The following STOX1 variants were observed in gnomAD, a reference collection of about 807,000 sequenced individuals.
STOX1 encodes storkhead-box protein 1.
Under a neutral mutation model 74.8 loss-of-function variants are expected in STOX1, and 57 were observed. The ratio of observed to expected loss-of-function variants is 0.76; its 90% confidence interval spans 0.62 to 0.95. STOX1 has a LOEUF of 0.95. Ranked by LOEUF, STOX1 falls within the 40% of genes least tolerant of loss-of-function variation. The pLI, the probability that STOX1 is intolerant of heterozygous loss-of-function variation, is 0.00. For missense variants in STOX1, 1,010 were observed against 1,117.0 expected, an observed-to-expected ratio of 0.90 and a Z score of 1.37; for synonymous variants, 375 against 401.3, an observed-to-expected ratio of 0.93 and a Z score of 0.78.
chr10:68,867,370 T>TG (rs1216905335), intron 1 of STOX1, among the ~76,000 whole-genome samples: 2 of 152,178 alleles, frequency 1.3e-5, no homozygotes, highest in Non-Finnish European at 1.5e-5. Flanking sequence ...CCTGTTGATC[T>TG]GGGGGGTATA....
At chr10:68,856,144 C>T (rs1840121022) in intron 1 of STOX1, among the ~76,000 whole-genome samples, 1 of 151,928 alleles carries the variant, frequency 6.6e-6, no homozygotes, top group South Asian at 2.1e-4. Flanking sequence ...TTTAGGACTT[C>T]CTCCTTAGTT....
At chr10:68,852,797 C>A (rs930573829) in intron 1 of STOX1, among the ~76,000 whole-genome samples, 4 of 151,114 alleles carry the variant, frequency 2.6e-5, no homozygotes, top group Non-Finnish European at 5.9e-5. Flanking sequence ...AATCAGAATT[C>A]ATATGTGAGA....
At chr10:68,876,657 CTG>C (rs1212755277) in intron 1 of STOX1, among the ~76,000 whole-genome samples, 3 of 152,176 alleles carry the variant, frequency 2.0e-5, no homozygotes, top group Admixed American at 6.6e-5. Context: ...GAGCACAAGA[CTG>C]TGTAAACAGA....
intron 1 of STOX1, among the ~76,000 whole-genome samples, chr10:68,852,249 CTTTTT>C (rs34908700): frequency 8.4e-6 from 1 of 118,980 alleles, no homozygotes; most frequent in Non-Finnish European, 1.7e-5. Flanking sequence ...TCTCTTACTG[CTTTTT>C]TTTTTTTTTT....
chr10:68,840,980 C>G (rs894249948), intron 1 of STOX1, among the ~76,000 whole-genome samples: 16 of 148,308 alleles, frequency 1.1e-4, no homozygotes, highest in African/African-American at 4.0e-4. Flanking sequence ...CAGTGTCTCG[C>G]TCTGTTGCCC....
chr10:68,832,967 G>A (rs868145266), intron 1 of STOX1, among the ~76,000 whole-genome samples: 16 of 151,490 alleles, frequency 1.1e-4, no homozygotes, highest in South Asian at 1.0e-3. Context: ...GGTCTTGCTC[G>A]CTATGTTATC....
chr10:68,871,155 CCAGCTGGTTTGAGTCATT>C (rs1308937614), intron 1 of STOX1, among the ~76,000 whole-genome samples: 6 of 152,170 alleles, frequency 3.9e-5, no homozygotes, highest in Non-Finnish European at 7.3e-5. Flanking sequence ...TATTCAAAAG[CCAGCTGGTTTGAGTCATT>C]CAGCTGGTTT....
intron 1 of STOX1, among the ~76,000 whole-genome samples, chr10:68,870,178 A>G (rs76890592): frequency 0.015 from 2,321 of 152,174 alleles, 31 homozygotes; most frequent in Non-Finnish European, 0.024. Flanking sequence ...CTAACTTCCT[A>G]AACTTGTTAA....
chr10:68,875,265 C>G (rs1840647884), intron 1 of STOX1, among the ~76,000 whole-genome samples: 1 of 152,214 alleles, frequency 6.6e-6, no homozygotes, highest in African/African-American at 2.4e-5. Context: ...AACTCTCCCT[C>G]TTACAAGAGT....
chr10:68,895,415 G>C (rs1453116911), downstream of STOX1: 2 of 152,146 alleles, frequency 1.3e-5, no homozygotes, highest in Non-Finnish European at 2.9e-5. Flanking sequence ...ATTAAAGATG[G>C]GAATATGTGC....
intron 1 of STOX1, among the ~76,000 whole-genome samples, chr10:68,855,246 G>A (rs896816830): frequency 8.9e-5 from 13 of 146,320 alleles, no homozygotes; most frequent in Admixed American, 1.4e-4. Context: ...TCAGCCTCCC[G>A]AGTAGCTGGG....
chr10:68,866,586 A>G (rs1311950673), intron 1 of STOX1, among the ~76,000 whole-genome samples: 3 of 152,146 alleles, frequency 2.0e-5, no homozygotes, highest in Non-Finnish European at 4.4e-5. Flanking sequence ...AATGATTTGA[A>G]TTTCCCCATT....
intron 1 of STOX1, among the ~76,000 whole-genome samples, chr10:68,842,013 G>T (rs1839702839): frequency 6.6e-6 from 1 of 152,106 alleles, no homozygotes; most frequent in Non-Finnish European, 1.5e-5. Flanking sequence ...AGGTGTGTGT[G>T]TTGGAGGATC....
downstream of STOX1, among the ~76,000 whole-genome samples, chr10:68,893,575 A>G (rs1046018662): frequency 6.6e-6 from 1 of 151,870 alleles, no homozygotes; most frequent in African/African-American, 2.4e-5. Flanking sequence ...CTGCCACCAC[A>G]CCCGGCAAAT....
At chr10:68,845,146 G>C (rs930065549) in intron 1 of STOX1, among the ~76,000 whole-genome samples, 2 of 150,074 alleles carry the variant, frequency 1.3e-5, no homozygotes, top group Non-Finnish European at 3.0e-5. Flanking sequence ...TCTATCACCC[G>C]AGCTGAAGTG....
intron 1 of STOX1, among the ~76,000 whole-genome samples, chr10:68,875,220 A>T (rs1293641201): frequency 6.6e-6 from 1 of 152,200 alleles, no homozygotes; most frequent in Non-Finnish European, 1.5e-5. Flanking sequence ...CCTGGGGGAA[A>T]ATCACTTCAC....
At chr10:68,876,347 G>A (rs950729764) in intron 1 of STOX1, among the ~76,000 whole-genome samples, 7 of 151,614 alleles carry the variant, frequency 4.6e-5, no homozygotes, top group Non-Finnish European at 7.4e-5. Flanking sequence ...GTAGAGACGG[G>A]GTTTCTCCAC....
chr10:68,888,802 ATTTTTTTT>A (rs35174437), intron 3 of STOX1, among the ~76,000 whole-genome samples: 8 of 32,044 alleles, frequency 2.5e-4, no homozygotes, highest in African/African-American at 5.3e-4. Flanking sequence ...TGCCCAGCTA[ATTTTTTTT>A]TTTTTTTTTT....
chr10:68,863,429 G>A (rs7088251), intron 1 of STOX1, among the ~76,000 whole-genome samples: 41,764 of 147,886 alleles, frequency 0.28, 6,255 homozygotes, highest in African/African-American at 0.39. Flanking sequence ...TACCCAAAAG[G>A]AAAAAAAAAA....
Sources: allele counts gnomAD v4.1 joint callset (sites outside exome capture counted in the v4.1 genomes callset), GRCh38; gene constraint gnomAD v4.1.1; transcripts MANE v1.5; gene names NCBI Gene and HGNC (gene_info 2026-07-23, HGNC 2026-07-21).